The following TSPEAR variants were observed in gnomAD, a reference collection of about 807,000 sequenced individuals.
TSPEAR encodes the protein thrombospondin-type laminin G domain and EAR repeat-containing protein.
In TSPEAR, 69 loss-of-function variants were observed where a neutral mutation model predicts 71.6. That is an observed-to-expected ratio of 0.96 (90% CI 0.79 to 1.18). The LOEUF is 1.18. Ranked by LOEUF, TSPEAR falls within the 50% of genes most tolerant of loss-of-function variation. TSPEAR has a pLI of 0.00. For missense variants in TSPEAR, 971 were observed against 894.9 expected (o/e 1.09, Z -1.09); for synonymous variants, 402 against 387.2 (o/e 1.04, Z -0.45).
intron 3 of TSPEAR, among the ~76,000 whole-genome samples, chr21:44,532,858 A>G (rs191236330): frequency 5.3e-5 from 8 of 152,298 alleles, no homozygotes; most frequent in Admixed American, 5.2e-4. Flanking sequence ...AAGGCTACAA[A>G]GGATAATCTT....
Position 44,504,800 on chromosome 21 carries a change from C to A in TSPEAR, c.1836G>T (p.Ser612=), listed in dbSNP as rs112006551. The change falls in exon 11 of 12, where the codon TCG becomes TCT. Residue 612 remains serine, a synonymous_variant. Transcript: ENST00000323084. ...VANSFDGRTF[S]VNSIIYRWQG... is the part of the protein sequence containing the mutation. ...ATTACCTGTAAATAATACTGTTCAC[C>A]GAGAAGGTACGCCCATCGAAGGAGT... The A allele has an allele frequency of 1.1e-3, 1,792 of 1,613,590 alleles. 22 individuals are homozygous for A. The African/African-American group carries it at 0.021, about 19-fold the overall frequency.
chr21:44,509,176 C>A, intron 10 of TSPEAR, 23 bp downstream of exon 10: 1 of 1,607,650 alleles, frequency 6.2e-7, no homozygotes, highest in South Asian at 1.1e-5. Flanking sequence ...GCCCACCTCC[C>A]ACTGGCCTGT....
chr21:44,689,958 C>T (rs575477188), intron 1 of TSPEAR, among the ~76,000 whole-genome samples: 23 of 151,758 alleles, frequency 1.5e-4, no homozygotes, highest in African/African-American at 4.4e-4. Flanking sequence ...GCTTTATATT[C>T]GCTGGCAGCT....
rs535599643 is a variant in TSPEAR, at chr21:44,681,251, G to T, written c.82+30182C>A. ...AAGCAGGACATCCACCAACCACATG[G>T]GAAAGCCCGATCCTCAGTGCTCTGA... On this transcript the variant is annotated intron_variant, in intron 1 of 11. Transcript: ENST00000323084. Among the ~76,000 whole-genome samples, 17 of 152,336 alleles carry T rather than the reference G, an allele frequency of 1.1e-4. No homozygotes were observed. In the South Asian group the frequency reaches 3.3e-3, roughly 30 times the overall value.
intron 9 of TSPEAR, among the ~76,000 whole-genome samples, chr21:44,511,395 C>T (rs1555912681): frequency 1.3e-5 from 2 of 152,110 alleles, no homozygotes; most frequent in East Asian, 1.9e-4. Context: ...TTTTTACATG[C>T]ACAGATGCAC....
intron 1 of TSPEAR, chr21:44,677,657 A>T: frequency 7.7e-7 from 1 of 1,299,492 alleles, no homozygotes; most frequent in Non-Finnish European, 1.1e-6. Flanking sequence ...CCAACACTGT[A>T]TCACCTGCGG....
At chr21:44,635,761 TG>T (rs1555936544) in intron 1 of TSPEAR, among the ~76,000 whole-genome samples, 2 of 152,208 alleles carry the variant, frequency 1.3e-5, no homozygotes, top group African/African-American at 4.8e-5. Context: ...GTACTGTCAC[TG>T]AATTGCACAC....
rs960058725 is a variant in TSPEAR, at chr21:44,703,680, G to A, written c.82+7753C>T. Reference sequence around the variant, plus strand: ...TCTGTGGCCCCAGGTCTAGCCGGGCGTGGCAGAGGTCAGAGGGAAAGAAGC... The same window carrying A: ...TCTGTGGCCCCAGGTCTAGCCGGGCATGGCAGAGGTCAGAGGGAAAGAAGC... On this transcript the variant is annotated intron_variant, in intron 1 of 11. Coordinates refer to ENST00000323084, the MANE Select transcript of TSPEAR (RefSeq NM_144991.3). 2.6e-5 allele frequency among the ~76,000 whole-genome samples: 4 copies of A among 152,330 alleles called. No individual in the cohort carries two copies. In the East Asian group the frequency reaches 7.7e-4, roughly 29 times the overall value.
intron 1 of TSPEAR, among the ~76,000 whole-genome samples, chr21:44,597,019 G>A (rs1040733585): frequency 1.3e-5 from 2 of 151,734 alleles, no homozygotes; most frequent in Non-Finnish European, 2.9e-5. Flanking sequence ...AAATGGCTTC[G>A]GTGTTTTACT....
At chr21:44,635,270 C>T (rs781823428) in intron 1 of TSPEAR, among the ~76,000 whole-genome samples, 10 of 139,142 alleles carry the variant, frequency 7.2e-5, no homozygotes, top group African/African-American at 2.4e-4. Flanking sequence ...CACTTGTACC[C>T]GGGAGGTGGA....
chr21:44,645,271 A>G (rs1555939267), intron 1 of TSPEAR, among the ~76,000 whole-genome samples: 1 of 152,204 alleles, frequency 6.6e-6, no homozygotes, highest in South Asian at 2.1e-4. Context: ...AGCTGAAGAG[A>G]CAAAAATAAA....
At chr21:44,590,581 G>T (rs1369964312) in intron 1 of TSPEAR, among the ~76,000 whole-genome samples, 1 of 152,170 alleles carries the variant, frequency 6.6e-6, no homozygotes, top group Non-Finnish European at 1.5e-5. Flanking sequence ...AGTCCTGGGG[G>T]AGGGCGTGGT....
chr21:44,624,885 C>A (rs1277217652), intron 1 of TSPEAR, among the ~76,000 whole-genome samples: 3 of 152,156 alleles, frequency 2.0e-5, no homozygotes, highest in African/African-American at 7.2e-5. Flanking sequence ...GGGATTCACT[C>A]ACTCAAGTCT....
chr21:44,527,467 G>A lies in TSPEAR; in HGVS notation c.974C>T (p.Ser325Leu). 6.2e-7 allele frequency: 1 copy of A among 1,614,214 alleles called. No individual in the cohort carries two copies. The change falls in exon 7 of 12, where the codon TCA becomes TTA. Residue 325 changes from serine to leucine, a missense_variant. Coordinates refer to ENST00000323084, the MANE Select transcript of TSPEAR (RefSeq NM_144991.3). Reference protein sequence around the residue: ...VEEHQNLSTNSETLGIEVFRI... With the variant: ...VEEHQNLSTNLETLGIEVFRI... Reference sequence around the variant, plus strand: ...GAACACCTCAATGCCCAGGGTCTCTGAGTTGGTGGACAAGTTCTGATGCTC... The same window carrying A: ...GAACACCTCAATGCCCAGGGTCTCTAAGTTGGTGGACAAGTTCTGATGCTC...
At chr21:44,571,270 A>T (rs1313549366) in intron 1 of TSPEAR, among the ~76,000 whole-genome samples, 3 of 152,244 alleles carry the variant, frequency 2.0e-5, no homozygotes, top group African/African-American at 7.2e-5. Context: ...GGCTGATCTC[A>T]AACTCCTGGC....
chr21:44,619,349 A>G (rs1436719817), intron 1 of TSPEAR, among the ~76,000 whole-genome samples: 2 of 152,226 alleles, frequency 1.3e-5, no homozygotes, highest in Non-Finnish European at 2.9e-5. Flanking sequence ...ATCCACAACA[A>G]TCAGCAACAG....
At chr21:44,514,264 T>C (rs915780039) in intron 9 of TSPEAR, among the ~76,000 whole-genome samples, 15 of 152,216 alleles carry the variant, frequency 9.9e-5, no homozygotes, top group African/African-American at 3.6e-4. Context: ...CCTGTTTTTC[T>C]AAGCACCACA....
chr21:44,531,235 T>G (rs2838583), intron 3 of TSPEAR, 102 bp from the exon 4 acceptor site: 8 of 881,092 alleles, frequency 9.1e-6, no homozygotes. Flanking sequence ...AGCGTGCATC[T>G]GTGCTGTGGC....
At chr21:44,539,153 G>A in intron 2 of TSPEAR, 1 of 1,358,960 alleles carries the variant, frequency 7.4e-7, no homozygotes, top group Middle Eastern at 2.6e-4. Context: ...AGGCTCCTGG[G>A]AGCAAGGAGG....
Sources: allele counts gnomAD v4.1 joint callset (sites outside exome capture counted in the v4.1 genomes callset), GRCh38; gene constraint gnomAD v4.1.1; transcripts MANE v1.5; gene names NCBI Gene and HGNC (gene_info 2026-07-23, HGNC 2026-07-21).